Variants in ADAMTS18 observed in about 807,000 individuals in gnomAD.
ADAMTS18 encodes the protein ADAM metallopeptidase with thrombospondin type 1 motif 18.
Under a neutral mutation model 165.9 loss-of-function variants are expected in ADAMTS18, and 157 were observed. The observed-to-expected ratio is 0.95, with a 90% CI of 0.83 to 1.08. The LOEUF (loss-of-function observed/expected upper bound fraction) is 1.08. Among genes scored for constraint, ADAMTS18 ranks in the 50% least tolerant of loss-of-function variants. The pLI is 0.00. For missense variants in ADAMTS18, 2,040 were observed against 1,534.0 expected (o/e 1.33, Z -5.51); for synonymous variants, 782 against 578.2 (o/e 1.35, Z -5.06).
At chr16:77,359,695 A>G (rs992957759) in intron 7 of ADAMTS18, among the ~76,000 whole-genome samples, 7 of 152,162 alleles carry the variant, frequency 4.6e-5, no homozygotes, top group African/African-American at 1.4e-4. Flanking sequence ...GAGTACTGTA[A>G]TTCCCATTTT....
At chr16:77,358,499 T>C (rs1597166263) in intron 8 of ADAMTS18, among the ~76,000 whole-genome samples, 1 of 151,838 alleles carries the variant, frequency 6.6e-6, no homozygotes, top group African/African-American at 2.4e-5. Context: ...GAGGCGGAGG[T>C]TGCAGCGAGC....
intron 16 of ADAMTS18, among the ~76,000 whole-genome samples, chr16:77,314,624 A>AGTGT (rs765802389): frequency 2.8e-4 from 19 of 67,422 alleles, no homozygotes; most frequent in African/African-American, 5.7e-4. Flanking sequence ...AAAAAAAAAA[A>AGTGT]ATGTGTGTGT....
At chr16:77,400,173 C>T (rs1025677644) in intron 3 of ADAMTS18, among the ~76,000 whole-genome samples, 4 of 152,294 alleles carry the variant, frequency 2.6e-5, no homozygotes, top group Admixed American at 2.6e-4. Context: ...TACCCATTCC[C>T]TATAGGCTCC....
intron 16 of ADAMTS18, among the ~76,000 whole-genome samples, chr16:77,319,610 T>C (rs1195069626): frequency 6.6e-6 from 1 of 151,968 alleles, no homozygotes; most frequent in Non-Finnish European, 1.5e-5. Flanking sequence ...ACCTGGCTAA[T>C]TTTTGTATTT....
In ADAMTS18 at chr16:77,291,347, T is replaced by G; in HGVS notation, c.3321A>C (p.Glu1107Asp). ...GGCAAGCCCGTCGGTTGCAGGTCTC[T>G]TCCAAGTCCAGATTTGGTTTCTTAA... ...RNIKKPNLDLEETCNRRACPA... is the reference protein window; with the variant it reads ...RNIKKPNLDLDETCNRRACPA... The change falls in exon 21 of 23, where the codon GAA (glutamate) becomes GAC (aspartate). Residue 1107 changes from glutamate to aspartate, a missense_variant. Physicochemically the swap from Glu to Asp is conservative, Grantham distance 45. Coordinates refer to ENST00000282849, the MANE Select transcript of ADAMTS18 (RefSeq NM_199355.4). 13 of 1,614,212 alleles carry G rather than the reference T, an allele frequency of 8.1e-6. No individual in the cohort carries two copies. The highest frequency in any genetic ancestry group is 1.1e-5 in the Non-Finnish European group (13 of 1,180,026).
At chr16:77,348,707 C>G (rs763023685) in intron 10 of ADAMTS18, among the ~76,000 whole-genome samples, 3 of 152,270 alleles carry the variant, frequency 2.0e-5, no homozygotes, top group Non-Finnish European at 4.4e-5. Context: ...ACATGCTAGG[C>G]ATGGCAGATA....
chr16:77,366,494 G>C (rs969480206), intron 4 of ADAMTS18, among the ~76,000 whole-genome samples: 2 of 152,164 alleles, frequency 1.3e-5, no homozygotes, highest in African/African-American at 4.8e-5. Context: ...GTGGGGTGGA[G>C]GTTGCAGTGA....
rs531551723 is a variant in ADAMTS18 at position 77,298,807 on chromosome 16, A to G, written c.2675-1392T>C. Among the ~76,000 whole-genome samples the G allele has an allele frequency of 2.5e-4, 38 of 152,294 alleles. 1 individual carries two copies. The highest frequency in any genetic ancestry group is 9.1e-4 in the African/African-American group (38 of 41,554). ...ATCCTATCTCAAGAAAAAATAACAA[A>G]AACAAAAAATCAACATTCCTTGAAG... On this transcript the variant is annotated intron_variant, in intron 17 of 22. Transcript: ENST00000282849.
rs1408250921 is a variant in ADAMTS18 at position 77,319,985 on chromosome 16, T to G, written c.2396A>C (p.Tyr799Ser). 1 of 1,613,978 alleles carries G rather than the reference T, an allele frequency of 6.2e-7. No homozygotes were observed. Among genetic ancestry groups the G allele is most frequent in the Non-Finnish European group, 8.5e-7 (1 of 1,179,988 alleles). ...LAVRSLSQKY[Y>S]LTGGWSIDWP... ...GTCGATGCTCCAGCCCCCGGTGAGG[T>G]AATACTTTTGACTGAGGCTTCGAAC... is the stretch of plus-strand genomic sequence containing the variant. The change falls in exon 16 of 23, where the codon TAC becomes TCC. Residue 799 changes from tyrosine (Y) to serine (S), a missense_variant. Coordinates refer to ENST00000282849, the MANE Select transcript of ADAMTS18 (RefSeq NM_199355.4).
At chr16:77,367,059 A>G (rs2056805516) in intron 4 of ADAMTS18, among the ~76,000 whole-genome samples, 1 of 152,170 alleles carries the variant, frequency 6.6e-6, no homozygotes, top group Non-Finnish European at 1.5e-5. Flanking sequence ...TCACATGCTA[A>G]TGTTCTTGTT....
chr16:77,385,972 T>G (rs538797961), intron 3 of ADAMTS18, among the ~76,000 whole-genome samples: 2 of 152,352 alleles, frequency 1.3e-5, no homozygotes, highest in East Asian at 3.9e-4. Context: ...CAAAGAACTG[T>G]CCAAAGTCTC....
intron 12 of ADAMTS18, among the ~76,000 whole-genome samples, chr16:77,334,025 C>G (rs1391446143): frequency 7.3e-6 from 1 of 136,728 alleles, no homozygotes; most frequent in Non-Finnish European, 1.5e-5. Context: ...ATATAATATA[C>G]AGTGCAATAT....
chr16:77,340,987 T>C (rs954725929), intron 11 of ADAMTS18, among the ~76,000 whole-genome samples: 2 of 152,246 alleles, frequency 1.3e-5, no homozygotes, highest in African/African-American at 2.4e-5. Context: ...TTGTCATTCA[T>C]AGCTCCTCTT....
intron 8 of ADAMTS18, among the ~76,000 whole-genome samples, chr16:77,357,548 A>G (rs531032694): frequency 4.9e-4 from 74 of 152,314 alleles, no homozygotes; most frequent in African/African-American, 1.6e-3. Context: ...AAAGCACGAG[A>G]AGAAACAGCA....
At chr16:77,331,673 G>A (rs114998552) in intron 12 of ADAMTS18, among the ~76,000 whole-genome samples, 1,642 of 152,212 alleles carry the variant, frequency 0.011, 29 homozygotes, top group African/African-American at 0.037. Flanking sequence ...GGTGGGTGGT[G>A]GGAAGAAGAG....
chr16:77,322,096 A>C (rs1410500010), intron 14 of ADAMTS18, among the ~76,000 whole-genome samples: 1 of 149,364 alleles, frequency 6.7e-6, no homozygotes, highest in Non-Finnish European at 1.5e-5. Context: ...CAGAGGTTAC[A>C]GTGAGCTAAG....
chr16:77,347,222 G>C (rs57756954), intron 10 of ADAMTS18, among the ~76,000 whole-genome samples: 1 of 152,138 alleles, frequency 6.6e-6, no homozygotes, highest in African/African-American at 2.4e-5. Flanking sequence ...ATAGTATCTA[G>C]TCTTTGGCTT....
chr16:77,360,225 A>G (rs1210286106), intron 7 of ADAMTS18, among the ~76,000 whole-genome samples: 1 of 152,230 alleles, frequency 6.6e-6, no homozygotes, highest in Non-Finnish European at 1.5e-5. Context: ...GGGTGGGATC[A>G]TTATCATTAC....
chr16:77,377,873 A>G (rs550406244), intron 3 of ADAMTS18, among the ~76,000 whole-genome samples: 17 of 152,328 alleles, frequency 1.1e-4, no homozygotes, highest in South Asian at 2.1e-4. Flanking sequence ...AGAATAAGGG[A>G]AAGACTTAAA....
Sources: allele counts gnomAD v4.1 joint callset (sites outside exome capture counted in the v4.1 genomes callset), GRCh38; gene constraint gnomAD v4.1.1; transcripts MANE v1.5; gene names NCBI Gene and HGNC (gene_info 2026-07-23, HGNC 2026-07-21).